SLC8A1: variants seen among roughly 807,000 people sequenced by gnomAD.
SLC8A1 encodes the protein solute carrier family 8 member A1, also known as sodium/calcium exchanger 1.
In SLC8A1, 18 loss-of-function variants were observed where a neutral mutation model predicts 68.3. The observed-to-expected ratio is 0.26, with a 90% confidence interval of 0.18 to 0.39. The LOEUF (loss-of-function observed/expected upper bound fraction) is 0.39. Among genes scored for constraint, SLC8A1 ranks in the 10% least tolerant of loss-of-function variants. SLC8A1 has a pLI of 1.00. For synonymous variants in SLC8A1, 475 were observed against 415.5 expected, an observed-to-expected ratio of 1.14 and a Z score of -1.74; for missense variants, 985 against 1,156.7, an observed-to-expected ratio of 0.85 and a Z score of 2.15.
intron 2 of SLC8A1, among the ~76,000 whole-genome samples, chr2:40,381,696 A>G (rs1681858289): frequency 6.6e-6 from 1 of 151,698 alleles, no homozygotes; most frequent in Non-Finnish European, 1.5e-5. Flanking sequence ...CAGTCTTAAA[A>G]CTTGAGAAAG....
rs927657501 is a variant in SLC8A1, at chr2:40,246,939, T to TAA, written c.1809-69086_1809-69085dup. ...AGTTTGTACTCTAACATATTTCTGC[T>TAA]AAAAAAAAAAAGAATATTTTCCATT... On this transcript the variant is annotated intron_variant, in intron 2 of 7. Coordinates refer to ENST00000406785, the Ensembl canonical transcript of SLC8A1. 1.2e-4 allele frequency among the ~76,000 whole-genome samples: 8 copies of TAA among 66,196 alleles called. No homozygotes were observed. The South Asian group carries it at 1.9e-3, about 16-fold the overall frequency. The allele number at this position is 66,196 out of a possible 152,430, so 43.4% of individuals were successfully genotyped here.
At chr2:40,474,976 T>C (rs1275466830) in intron 1 of SLC8A1, among the ~76,000 whole-genome samples, 2 of 152,212 alleles carry the variant, frequency 1.3e-5, no homozygotes, top group African/African-American at 4.8e-5. Context: ...GGTAAAGATA[T>C]ATAACTAAAG....
chr2:40,468,618 CT>C (rs1232358613), intron 1 of SLC8A1, among the ~76,000 whole-genome samples: 1 of 152,026 alleles, frequency 6.6e-6, no homozygotes, highest in Non-Finnish European at 1.5e-5. Flanking sequence ...TGTTTAAATA[CT>C]TTTTTCCTCC....
At chr2:40,162,140 G>A (rs1310783840) in intron 5 of SLC8A1, among the ~76,000 whole-genome samples, 2 of 152,166 alleles carry the variant, frequency 1.3e-5, no homozygotes, top group African/African-American at 4.8e-5. Flanking sequence ...TGTCCTTAGG[G>A]TGATGACCTT....
intron 1 of SLC8A1, among the ~76,000 whole-genome samples, chr2:40,464,038 G>T (rs1482424458): frequency 2.0e-5 from 3 of 152,048 alleles, no homozygotes; most frequent in Admixed American, 1.3e-4. Context: ...GGGATTACAG[G>T]TGCATGCCAC....
chr2:40,475,636 A>G (rs1371436902), intron 1 of SLC8A1, among the ~76,000 whole-genome samples: 3 of 152,110 alleles, frequency 2.0e-5, no homozygotes, highest in South Asian at 2.1e-4. Flanking sequence ...ATGTACACAT[A>G]CATGTACACA....
At chr2:40,449,639 GA>G (rs1366339520) in intron 1 of SLC8A1, among the ~76,000 whole-genome samples, 1 of 150,644 alleles carries the variant, frequency 6.6e-6, no homozygotes, top group African/African-American at 2.5e-5. Context: ...TGCTTAATCT[GA>G]AACGTTACAG....
At chr2:40,164,600 C>G (rs757827292) in intron 5 of SLC8A1, among the ~76,000 whole-genome samples, 12 of 152,158 alleles carry the variant, frequency 7.9e-5, no homozygotes, top group Non-Finnish European at 1.6e-4. Flanking sequence ...CCCTTTGGGG[C>G]ACCTCTGACC....
At chr2:40,426,377 A>G (rs2149771317) in intron 2 of SLC8A1, among the ~76,000 whole-genome samples, 1 of 152,148 alleles carries the variant, frequency 6.6e-6, no homozygotes, top group Non-Finnish European at 1.5e-5. Context: ...AATTCTCACA[A>G]GAAATCTAAA....
intron 1 of SLC8A1, among the ~76,000 whole-genome samples, chr2:40,439,414 G>T (rs1205963870): frequency 6.6e-6 from 1 of 152,060 alleles, no homozygotes; most frequent in Admixed American, 6.6e-5. Flanking sequence ...CTCTTCAAAT[G>T]ACAAGTTCTT....
intron 2 of SLC8A1, among the ~76,000 whole-genome samples, chr2:40,210,923 C>A (rs2056468274): frequency 6.6e-6 from 1 of 152,128 alleles, no homozygotes; most frequent in Admixed American, 6.5e-5. Context: ...AGGCTACATG[C>A]AATTATAAAA....
chr2:40,112,114 T>G (rs968820567), exon 8 of SLC8A1: 1 of 152,646 alleles, frequency 6.6e-6, no homozygotes. Flanking sequence ...GTCTGTTTTT[T>G]TCTTTGGATG....
At chr2:40,477,139 T>C (rs1372778479) in intron 1 of SLC8A1, among the ~76,000 whole-genome samples, 1 of 152,230 alleles carries the variant, frequency 6.6e-6, no homozygotes, top group Non-Finnish European at 1.5e-5. Context: ...AATACTATTT[T>C]CTGAAAACAG....
chr2:40,469,306 A>G (rs1703874451), intron 1 of SLC8A1, among the ~76,000 whole-genome samples: 1 of 152,104 alleles, frequency 6.6e-6, no homozygotes, highest in African/African-American at 2.4e-5. Context: ...ATTTCCCCAT[A>G]CTGCTGTCAT....
At chr2:40,343,734 C>T (rs1559323367) in intron 2 of SLC8A1, among the ~76,000 whole-genome samples, 2 of 152,008 alleles carry the variant, frequency 1.3e-5, no homozygotes, top group African/African-American at 4.8e-5. Context: ...TCATGACAGA[C>T]TGAGAAAAAT....
chr2:40,310,698 C>G (rs963664941), intron 2 of SLC8A1, among the ~76,000 whole-genome samples: 11 of 152,098 alleles, frequency 7.2e-5, no homozygotes, highest in African/African-American at 2.4e-4. Flanking sequence ...GACCTCCCCT[C>G]AAGCTCACCA....
At chr2:40,131,641 A>T in intron 7 of SLC8A1, among the ~76,000 whole-genome samples, 1 of 152,160 alleles carries the variant, frequency 6.6e-6, no homozygotes, top group South Asian at 2.1e-4. Context: ...GATCTAGAAC[A>T]CTGGAATGTA....
upstream of SLC8A1, among the ~76,000 whole-genome samples, chr2:40,455,889 A>C (rs372935922): frequency 4.0e-4 from 61 of 152,344 alleles, no homozygotes; most frequent in Non-Finnish European, 6.8e-4. Context: ...CCTTCCTGGC[A>C]GACTCACAGT....
chr2:40,510,270 A>G (rs1206593049), intron 1 of SLC8A1, among the ~76,000 whole-genome samples: 1 of 152,242 alleles, frequency 6.6e-6, no homozygotes, highest in Non-Finnish European at 1.5e-5. Context: ...AAGGGCAAGT[A>G]GCTTGACTGT....
Sources: allele counts gnomAD v4.1 joint callset (sites outside exome capture counted in the v4.1 genomes callset), GRCh38; gene constraint gnomAD v4.1.1; transcripts MANE v1.5; gene names NCBI Gene and HGNC (gene_info 2026-07-23, HGNC 2026-07-21).